Variants in RALGAPA2 observed in about 807,000 individuals in gnomAD.
RALGAPA2 encodes the protein ral GTPase-activating protein subunit alpha-2.
In RALGAPA2, 139 loss-of-function variants were observed where a neutral mutation model predicts 230.4. The observed-to-expected ratio is 0.60, with a 90% CI of 0.53 to 0.69. RALGAPA2 has a LOEUF of 0.69. RALGAPA2 is among the 30% of genes least tolerant of loss of function. The pLI, the probability that RALGAPA2 is intolerant of heterozygous loss-of-function variation, is 0.00. For missense variants in RALGAPA2, 2,163 were observed against 2,276.0 expected, an observed-to-expected ratio of 0.95 and a Z score of 1.01; for synonymous variants, 847 against 837.8, an observed-to-expected ratio of 1.01 and a Z score of -0.19.
At position 20,581,417 on chromosome 20, in the gene RALGAPA2, T is replaced by C. The variant is rs551684222; in HGVS notation, c.2707+1633A>G. Among the ~76,000 whole-genome samples, 161 of 152,308 alleles carry C rather than the reference T, an allele frequency of 1.1e-3. 1 individual carries two copies. The highest frequency in any genetic ancestry group is 1.6e-3 in the Non-Finnish European group (109 of 68,032). On this transcript the variant is annotated intron_variant, in intron 20 of 39. Coordinates refer to ENST00000202677, the MANE Select transcript of RALGAPA2 (RefSeq NM_020343.4). ...AGGATTCTCAAGTAGGTCAAAGGGCTTTACAGTAATTTTAATTTTAACAGG... is the reference window on the plus strand; with the variant it reads ...AGGATTCTCAAGTAGGTCAAAGGGCCTTACAGTAATTTTAATTTTAACAGG...
Position 20,712,636 on chromosome 20 carries a change from T to G in RALGAPA2, c.-156A>C. The G allele has an allele frequency of 9.2e-7, 1 of 1,081,188 alleles. No homozygotes were observed. The highest frequency in any genetic ancestry group is 4.3e-5 in the East Asian group (1 of 23,370). The allele number at this position is 1,081,188 out of a possible 1,614,324, so 67.0% of individuals were successfully genotyped here. ...CCGCCGCCGCCGCCGCCGCCTCAGCTGTGTCTCCAGGAAGGAGGGGCGGGC... is the reference window on the plus strand; with the variant it reads ...CCGCCGCCGCCGCCGCCGCCTCAGCGGTGTCTCCAGGAAGGAGGGGCGGGC... On this transcript the variant is annotated 5_prime_UTR_variant, in exon 1 of 40. Transcript: ENST00000202677. This position sits in a 1 kb window ranked among gnomAD's most constrained non-coding sequence, Gnocchi z 5.5.
chr20:20,708,860 T>G (rs1280490663), intron 1 of RALGAPA2, among the ~76,000 whole-genome samples: 1 of 152,152 alleles, frequency 6.6e-6, no homozygotes, highest in Non-Finnish European at 1.5e-5. Context: ...ATATCCTAAT[T>G]TAGGACTCAT....
chr20:20,557,371 T>G (rs767605332), intron 23 of RALGAPA2, among the ~76,000 whole-genome samples: 4 of 151,998 alleles, frequency 2.6e-5, no homozygotes, highest in Non-Finnish European at 4.4e-5. Flanking sequence ...AATATTAAGG[T>G]AAGAATTGCC....
intron 39 of RALGAPA2, 129 bp downstream of exon 39, chr20:20,396,566 G>GGA (rs1602245959): frequency 1.2e-6 from 1 of 804,328 alleles, no homozygotes. Context: ...GGGCCCCCGG[G>GGA]GAGGGGAAGG....
Position 20,640,820 on chromosome 20 carries a change from C to T in RALGAPA2, c.431G>A (p.Cys144Tyr). 6.2e-7 allele frequency: 1 copy of T among 1,613,802 alleles called. No homozygotes were observed. ...AAAAATCAGAACCTGCTCTTCTGCACAGTTTGTCTGAAGTGCTTGAAGCCA... is the reference window on the plus strand; with the variant it reads ...AAAAATCAGAACCTGCTCTTCTGCATAGTTTGTCTGAAGTGCTTGAAGCCA... ...LLWLQALQTNCAEEQVLIFAC... is the reference protein window; with the variant it reads ...LLWLQALQTNYAEEQVLIFAC... The change falls in exon 6 of 40, where the codon TGT becomes TAT. Residue 144 changes from cysteine (C) to tyrosine (Y), a missense_variant. Coordinates refer to ENST00000202677, the MANE Select transcript of RALGAPA2 (RefSeq NM_020343.4).
At chr20:20,682,701 T>G (rs1046336768) in intron 1 of RALGAPA2, among the ~76,000 whole-genome samples, 1 of 152,216 alleles carries the variant, frequency 6.6e-6, no homozygotes, top group African/African-American at 2.4e-5. Flanking sequence ...CCACAGTCTA[T>G]CTCGTGAATC....
chr20:20,627,045 T>C (rs1045743595), intron 10 of RALGAPA2, among the ~76,000 whole-genome samples: 4 of 152,140 alleles, frequency 2.6e-5, no homozygotes, highest in African/African-American at 9.7e-5. Context: ...ACAACATTAA[T>C]GTAGGGAATG....
chr20:20,418,480 G>A (rs946179831), intron 37 of RALGAPA2, among the ~76,000 whole-genome samples: 4 of 152,072 alleles, frequency 2.6e-5, no homozygotes, highest in South Asian at 4.1e-4. Flanking sequence ...TGGCAATTCC[G>A]CTCCTCAGTA....
At chr20:20,425,461 A>G (rs947197464) in intron 37 of RALGAPA2, among the ~76,000 whole-genome samples, 2 of 152,236 alleles carry the variant, frequency 1.3e-5, no homozygotes, top group African/African-American at 4.8e-5. Flanking sequence ...GGAAGCAGAA[A>G]ATAGTATTTC....
intron 24 of RALGAPA2, among the ~76,000 whole-genome samples, chr20:20,538,057 C>G (rs2063543940): frequency 6.6e-6 from 1 of 152,160 alleles, no homozygotes; most frequent in Admixed American, 6.5e-5. Context: ...TTTTCTCCCT[C>G]AGAGAGATGA....
At chr20:20,498,924 T>C (rs922422291) in intron 35 of RALGAPA2, among the ~76,000 whole-genome samples, 6 of 152,202 alleles carry the variant, frequency 3.9e-5, no homozygotes, top group Non-Finnish European at 8.8e-5. Context: ...AGATTAGCTG[T>C]GAAAAATCTA....
intron 3 of RALGAPA2, among the ~76,000 whole-genome samples, chr20:20,675,508 C>G (rs1011252640): frequency 2.0e-5 from 3 of 152,166 alleles, no homozygotes; most frequent in South Asian, 2.1e-4. Flanking sequence ...CTACACCTCT[C>G]AAACCACAAA....
intron 23 of RALGAPA2, among the ~76,000 whole-genome samples, chr20:20,570,650 T>C (rs1195476244): frequency 1.3e-5 from 2 of 152,230 alleles, no homozygotes; most frequent in African/African-American, 4.8e-5. Context: ...TTTTTTAAAA[T>C]CTGTATTAAA....
chr20:20,637,270 CTA>C, intron 8 of RALGAPA2, 91 bp downstream of exon 8: 1 of 1,003,344 alleles, frequency 1.0e-6, no homozygotes, highest in Non-Finnish European at 1.4e-6. Flanking sequence ...AATAAAATGA[CTA>C]TTTTACTTTA....
chr20:20,643,695 A>C (rs1353907333), intron 4 of RALGAPA2, 146 bp from the exon 5 acceptor site: 2 of 735,780 alleles, frequency 2.7e-6, no homozygotes, highest in Admixed American at 7.8e-5. Context: ...GCAATGTCAC[A>C]GAGGGAAAGA....
At chr20:20,585,647 G>A (rs1034346001) in intron 18 of RALGAPA2, among the ~76,000 whole-genome samples, 1 of 152,224 alleles carries the variant, frequency 6.6e-6, no homozygotes, top group South Asian at 2.1e-4. Flanking sequence ...AGACAGCAAT[G>A]GACATGAAGT....
chr20:20,638,164 C>T (rs1233673010), intron 7 of RALGAPA2, among the ~76,000 whole-genome samples: 1 of 152,220 alleles, frequency 6.6e-6, no homozygotes, highest in African/African-American at 2.4e-5. Context: ...GCTGGGACCG[C>T]CCCTCAGGAG....
chr20:20,466,362 T>G (rs1031737903), intron 37 of RALGAPA2, among the ~76,000 whole-genome samples: 1 of 152,238 alleles, frequency 6.6e-6, no homozygotes, highest in African/African-American at 2.4e-5. Flanking sequence ...TGGGCTGGAT[T>G]TGGTGTGCTG....
chr20:20,561,329 G>A (rs988636141), intron 23 of RALGAPA2, among the ~76,000 whole-genome samples: 5 of 152,200 alleles, frequency 3.3e-5, no homozygotes, highest in South Asian at 2.1e-4. Flanking sequence ...CATGCAAGCT[G>A]TTCTCTCAGC....
Sources: allele counts gnomAD v4.1 joint callset (sites outside exome capture counted in the v4.1 genomes callset), GRCh38; gene constraint gnomAD v4.1.1; non-coding constraint Gnocchi (gnomAD v3.1); transcripts MANE v1.5; gene names NCBI Gene and HGNC (gene_info 2026-07-23, HGNC 2026-07-21).